Variants in RPL35 observed in about 807,000 individuals in gnomAD.
The protein encoded by RPL35 is large ribosomal subunit protein uL29.
Under a neutral mutation model 15.6 loss-of-function variants are expected in RPL35, and 2 were observed. The observed-to-expected ratio is 0.13, with a 90% CI of 0.05 to 0.40. The LOEUF (loss-of-function observed/expected upper bound fraction) is 0.40, where lower values mean the gene tolerates loss of function less well. Ranked by LOEUF, RPL35 falls within the 10% of genes least tolerant of loss-of-function variation. The pLI, the probability that RPL35 is intolerant of heterozygous loss-of-function variation, is 0.99. For missense variants in RPL35, 111 were observed against 164.7 expected, an observed-to-expected ratio of 0.67 and a Z score of 1.79; for synonymous variants, 93 against 67.9, an observed-to-expected ratio of 1.37 and a Z score of -1.82.
intron 2 of RPL35, 160 bp downstream of exon 2, chr9:124,861,259 G>T (rs1418089352): frequency 1.1e-6 from 1 of 885,978 alleles, no homozygotes; most frequent in Non-Finnish European, 1.7e-6. Flanking sequence ...GTCAAGGCAG[G>T]TAAGAGGCTA....
Position 124,861,548 on chromosome 9 carries a change from A to G in RPL35, c.11T>C (p.Ile4Thr). 6.2e-7 allele frequency: 1 copy of G among 1,613,768 alleles called. No homozygotes were observed. Among genetic ancestry groups the G allele is most frequent in the South Asian group, 1.1e-5 (1 of 91,062 alleles). MAKIKARDLRGKKK... is the reference protein window; with the variant it reads MAKTKARDLRGKKK... ...CTTCCCGCGAAGATCTCGAGCCTTG[A>G]TCTTGGCCTGCGCGCAAGAGAGAGT... The change falls in exon 2 of 4, where the codon ATC becomes ACC. Residue 4 changes from isoleucine (I) to threonine (T), a missense_variant. Ile to Thr is a moderately conservative substitution (Grantham distance 89). Coordinates refer to ENST00000348462, the MANE Select transcript of RPL35 (RefSeq NM_007209.4).
Position 124,861,700 on chromosome 9 carries a change from C to T in RPL35, c.4-145G>A, listed in dbSNP as rs1829200210. ...CAGGGCTCAGGACAGTCTCCCTCGC[C>T]GGCCGTGCCTTGGGCAGAGTAACCC... On this transcript the variant is annotated intron_variant, in intron 1 of 3. Coordinates refer to ENST00000348462, the MANE Select transcript of RPL35 (RefSeq NM_007209.4). 2.9e-6 allele frequency: 4 copies of T among 1,362,310 alleles called. No individual in the cohort carries two copies. The Admixed American group carries it at 7.4e-5, about 25-fold the overall frequency. 84.4% of individuals were successfully genotyped at this position (1,362,310 alleles called of 1,614,324 possible). A position where few individuals can be genotyped will look rare whatever the true frequency, so the allele number is the denominator to read the frequency against.
chr9:124,858,240 G>A (rs773699608), intron 3 of RPL35, 173 bp from the exon 4 acceptor site: 9 of 644,758 alleles, frequency 1.4e-5, no homozygotes, highest in Admixed American at 2.8e-5. Context: ...ATCTAAGGCT[G>A]GTGGGACCAT....
intron 2 of RPL35, chr9:124,861,146 ACTC>A: frequency 2.3e-6 from 1 of 428,360 alleles, no homozygotes; most frequent in East Asian, 4.1e-5. Context: ...GGGGTTAAAA[ACTC>A]AAGTGTTGGT....
At position 124,861,572 on chromosome 9, in the gene RPL35, G is replaced by A. The variant is rs761016062; in HGVS notation, c.4-17C>T. ...GATCTTGGCCTGCGCGCAAGAGAGAGTGTGCCTCAGCCAGGCCGCGGGGCC... is the reference window on the plus strand; with the variant it reads ...GATCTTGGCCTGCGCGCAAGAGAGAATGTGCCTCAGCCAGGCCGCGGGGCC... On this transcript the variant is annotated splice_polypyrimidine_tract_variant and intron_variant, in intron 1 of 3. Transcript: ENST00000348462. 4 of 1,612,754 alleles carry A rather than the reference G, an allele frequency of 2.5e-6. No individual in the cohort carries two copies. The highest frequency in any genetic ancestry group is 2.7e-5 in the African/African-American group (2 of 74,938).
At chr9:124,859,737 T>TCC (rs1355243583) in intron 3 of RPL35, among the ~76,000 whole-genome samples, 1 of 152,100 alleles carries the variant, frequency 6.6e-6, no homozygotes, top group Non-Finnish European at 1.5e-5. Context: ...AAGCCGACCC[T>TCC]CCCCAAGGTA....
intron 3 of RPL35, chr9:124,858,592 T>C: frequency 1.4e-6 from 1 of 693,598 alleles, no homozygotes. Flanking sequence ...TTGCCCCACC[T>C]GCTTCCGGCT....
rs533686146 is a variant in RPL35 at position 124,857,941 on chromosome 9, G to A, written c.349C>T (p.Arg117Trp). ...QQRKERLYPL[R>W]KYAVKA ...CCTCAGGCCTTGACCGCGTACTTCCGCAGCGGGTACAGCCGCTCCTTCCGC... is the reference window on the plus strand; with the variant it reads ...CCTCAGGCCTTGACCGCGTACTTCCACAGCGGGTACAGCCGCTCCTTCCGC... Residue 117 changes from arginine (R) to tryptophan (W), a missense_variant, in exon 4 of 4, where the codon CGG (arginine) becomes TGG (tryptophan). Physicochemically the swap from Arg to Trp is moderately radical, Grantham distance 101. Coordinates refer to ENST00000348462, the MANE Select transcript of RPL35 (RefSeq NM_007209.4). 6 of 1,612,100 alleles carry A rather than the reference G, an allele frequency of 3.7e-6. No individual in the cohort carries two copies. The highest frequency in any genetic ancestry group is 1.1e-5 in the South Asian group (1 of 91,000).
intron 1 of RPL35, 131 bp downstream of exon 1, chr9:124,861,779 G>A (rs1011753849): frequency 2.9e-6 from 4 of 1,373,996 alleles, no homozygotes; most frequent in African/African-American, 2.9e-5. Flanking sequence ...GGTTGTGGTG[G>A]CGCCAGACCA....
chr9:124,861,898 C>T lies in RPL35; in HGVS notation c.3+12G>A, dbSNP rs1346619445. The T allele has an allele frequency of 6.2e-7, 1 of 1,604,012 alleles. No individual in the cohort carries two copies. Among genetic ancestry groups the T allele is most frequent in the Non-Finnish European group, 8.5e-7 (1 of 1,176,334 alleles). ...ACAGCGCTCGGATGGCGCCCGATTC[C>T]GCAGCTCTCACCATTGCTGCACAAG... On this transcript the variant is annotated intron_variant, in intron 1 of 3. Coordinates refer to ENST00000348462, the MANE Select transcript of RPL35 (RefSeq NM_007209.4).
Position 124,861,923 on chromosome 9 carries a change from GC to G in RPL35, c.-12del. The G allele has an allele frequency of 1.3e-6, 2 of 1,599,144 alleles. No individual in the cohort carries two copies. The highest frequency in any genetic ancestry group is 1.7e-6 in the Non-Finnish European group (2 of 1,173,782). ...CGCAGCTCTCACCATTGCTGCACAA[GC>G]CGCCAACGCCGCCGCCCGCTCCGAG... is the stretch of plus-strand genomic sequence containing the variant. On this transcript the variant is annotated 5_prime_UTR_variant, in exon 1 of 4. Coordinates refer to ENST00000348462, the MANE Select transcript of RPL35 (RefSeq NM_007209.4).
intron 2 of RPL35, 109 bp downstream of exon 2, chr9:124,861,310 G>A: frequency 8.8e-6 from 12 of 1,358,626 alleles, no homozygotes; most frequent in Non-Finnish European, 1.2e-5. Context: ...GATGCACGGA[G>A]TGGGCATCTA....
chr9:124,861,150 AAG>A, intron 2 of RPL35: 1 of 437,594 alleles, frequency 2.3e-6, no homozygotes, highest in East Asian at 4.0e-5. Context: ...TTAAAAACTC[AAG>A]TGTTGGTGGG....
chr9:124,860,038 A>G (rs1039663730), intron 3 of RPL35, 145 bp downstream of exon 3: 4 of 667,908 alleles, frequency 6.0e-6, no homozygotes, highest in Non-Finnish European at 1.1e-5. Flanking sequence ...AGACACTGGT[A>G]GAAGAGTGAG....
In RPL35 at chr9:124,861,553, G is replaced by C. The variant is rs1400228594; in HGVS notation, c.6C>G (p.Ala2=). 1 of 1,613,602 alleles carries C rather than the reference G, an allele frequency of 6.2e-7. No individual in the cohort carries two copies. Among genetic ancestry groups the C allele is most frequent in the Non-Finnish European group, 8.5e-7 (1 of 1,179,950 alleles). M[A]KIKARDLRGK... is the part of the protein sequence containing the mutation. ...CGCGAAGATCTCGAGCCTTGATCTT[G>C]GCCTGCGCGCAAGAGAGAGTGTGCC... The change falls in exon 2 of 4, where the codon GCC becomes GCG. Residue 2 remains alanine, a splice_region_variant and synonymous_variant. Transcript: ENST00000348462.
intron 3 of RPL35, among the ~76,000 whole-genome samples, chr9:124,859,830 G>A (rs745370659): frequency 6.6e-6 from 1 of 152,142 alleles, no homozygotes; most frequent in Non-Finnish European, 1.5e-5. Flanking sequence ...AGCATGGCAG[G>A]TGCCTGGCAG....
chr9:124,860,198 G>C lies in RPL35; in HGVS notation c.207C>G (p.Leu69=). ...GCAGACTCACCTTGTAGAATTTCCT[G>C]AGGTTTTCTTTCTGAGTCTGGTTAA... The part of the protein sequence containing the change: ...TVINQTQKEN[L]RKFYKGKKYK... The change falls in exon 3 of 4, where the codon CTC becomes CTG. Residue 69 remains leucine, a synonymous_variant. Coordinates refer to ENST00000348462, the MANE Select transcript of RPL35 (RefSeq NM_007209.4). The C allele has an allele frequency of 6.2e-7, 1 of 1,613,784 alleles. No individual in the cohort carries two copies. Among genetic ancestry groups the C allele is most frequent in the Non-Finnish European group, 8.5e-7 (1 of 1,179,632 alleles).
Position 124,857,906 on chromosome 9 carries a change from A to G in RPL35, c.*12T>C. On this transcript the variant is annotated 3_prime_UTR_variant, in exon 4 of 4. Coordinates refer to ENST00000348462, the MANE Select transcript of RPL35 (RefSeq NM_007209.4). ...AGTCTCAGCCAGCTGTGCTTTATTG[A>G]CAATGCGCCCCTCAGGCCTTGACCG... 6.2e-7 allele frequency: 1 copy of G among 1,611,552 alleles called. No homozygotes were observed.
chr9:124,861,915 C>A lies in RPL35; in HGVS notation c.-3G>T. The A allele has an allele frequency of 6.3e-7, 1 of 1,599,068 alleles. No individual in the cohort carries two copies. The highest frequency in any genetic ancestry group is 1.3e-5 in the African/African-American group (1 of 74,270). ...CCCGATTCCGCAGCTCTCACCATTG[C>A]TGCACAAGCCGCCAACGCCGCCGCC... On this transcript the variant is annotated 5_prime_UTR_variant, in exon 1 of 4. Coordinates refer to ENST00000348462, the MANE Select transcript of RPL35 (RefSeq NM_007209.4).
Sources: gnomAD v4.1 joint callset for allele counts (sites outside exome capture counted in the v4.1 genomes callset) on GRCh38, gnomAD v4.1.1 for gene constraint, MANE v1.5 for transcripts, NCBI Gene and HGNC (gene_info 2026-07-23, HGNC 2026-07-21) for gene names.